ATP8B4: variants seen among roughly 807,000 people sequenced by gnomAD.
The protein encoded by ATP8B4 is ATPase phospholipid transporting 8B4 (putative), also known as probable phospholipid-transporting ATPase IM.
A neutral mutation model predicts 145.6 loss-of-function variants in ATP8B4; 133 were observed. The observed-to-expected ratio is 0.91, with a 90% CI of 0.79 to 1.05. ATP8B4 has a LOEUF of 1.05. Among genes scored for constraint, ATP8B4 ranks in the 50% least tolerant of loss-of-function variants. The pLI is 0.00. For synonymous variants in ATP8B4, 507 were observed against 492.9 expected (o/e 1.03, Z -0.38); for missense variants, 1,458 against 1,425.2 (o/e 1.02, Z -0.37).
At chr15:50,059,358 G>A (rs964180083) in intron 3 of ATP8B4, among the ~76,000 whole-genome samples, 1 of 152,098 alleles carries the variant, frequency 6.6e-6, no homozygotes, top group Admixed American at 6.5e-5. Flanking sequence ...CCACTTCTAC[G>A]GGAACAATTC....
intron 26 of ATP8B4, among the ~76,000 whole-genome samples, chr15:49,863,840 A>G (rs1442652263): frequency 6.6e-6 from 1 of 152,138 alleles, no homozygotes. Flanking sequence ...TGAAACCCCA[A>G]TGTTGATCTA....
intron 9 of ATP8B4, among the ~76,000 whole-genome samples, chr15:49,992,471 A>C (rs1405269113): frequency 6.6e-6 from 1 of 152,174 alleles, no homozygotes; most frequent in Non-Finnish European, 1.5e-5. Context: ...TGAAAGAAAT[A>C]AGTCCACCAG....
At chr15:50,047,511 A>G (rs967325452) in intron 3 of ATP8B4, 47 bp from the exon 4 acceptor site, 4 of 1,119,360 alleles carry the variant, frequency 3.6e-6, no homozygotes, top group Non-Finnish European at 2.7e-6. Flanking sequence ...GGCATTGCTC[A>G]TGATCAGAAA....
intron 14 of ATP8B4, among the ~76,000 whole-genome samples, chr15:49,943,225 T>C (rs1220681362): frequency 1.3e-5 from 2 of 152,060 alleles, no homozygotes; most frequent in East Asian, 1.9e-4. Context: ...TATGGACTCA[T>C]AGGCCACCAT....
intron 7 of ATP8B4, among the ~76,000 whole-genome samples, chr15:50,008,554 T>G (rs2153568391): frequency 6.6e-6 from 1 of 152,352 alleles, no homozygotes; most frequent in Middle Eastern, 3.4e-3. Flanking sequence ...CCTTCTGTAT[T>G]TCACTTCATT....
intron 2 of ATP8B4, among the ~76,000 whole-genome samples, chr15:50,079,127 C>T (rs1349901872): frequency 6.6e-6 from 1 of 152,080 alleles, no homozygotes; most frequent in Non-Finnish European, 1.5e-5. Flanking sequence ...GGGATGGATA[C>T]CCCATTTTAC....
intron 6 of ATP8B4, among the ~76,000 whole-genome samples, chr15:50,031,729 C>T (rs1031312069): frequency 5.9e-5 from 9 of 152,088 alleles, no homozygotes; most frequent in Admixed American, 5.9e-4. Flanking sequence ...TAAGTTGTTT[C>T]CAAGAATATA....
intron 12 of ATP8B4, among the ~76,000 whole-genome samples, chr15:49,974,118 T>C (rs927210227): frequency 6.0e-5 from 9 of 150,996 alleles, no homozygotes; most frequent in Non-Finnish European, 1.3e-4. Flanking sequence ...GTTCCGCTCT[T>C]GTTGCCTAAG....
chr15:49,927,732 G>C (rs2040854939), intron 16 of ATP8B4, among the ~76,000 whole-genome samples: 1 of 151,890 alleles, frequency 6.6e-6, no homozygotes, highest in Non-Finnish European at 1.5e-5. Context: ...ACCAACTCTG[G>C]GCCAAACCAA....
chr15:49,899,909 C>T (rs2037831222), intron 21 of ATP8B4, among the ~76,000 whole-genome samples: 1 of 152,114 alleles, frequency 6.6e-6, no homozygotes, highest in East Asian at 1.9e-4. Flanking sequence ...CTCCTTCTTT[C>T]AATGCACTTA....
rs749745311 is a variant in ATP8B4, at chr15:49,931,277, T to TG, written c.1483_1484insC (p.Asp495AlafsTer2). ...AGCGGCAGTCACTAGAGCCCCTTCATCAGGTGACTGAACTTGGTAAATCAG... is the reference window on the plus strand; with the variant it reads ...AGCGGCAGTCACTAGAGCCCCTTCATGCAGGTGACTGAACTTGGTAAATCAG... On this transcript the variant is annotated frameshift_variant, in exon 16 of 28. Transcript: ENST00000284509. LOFTEE classifies it high-confidence loss of function. 1 of 1,612,524 alleles carries TG rather than the reference T, an allele frequency of 6.2e-7. No homozygotes were observed. The highest frequency in any genetic ancestry group is 1.7e-5 in the Admixed American group (1 of 59,810).
At chr15:49,912,246 T>G (rs536733859) in intron 20 of ATP8B4, among the ~76,000 whole-genome samples, 15 of 152,160 alleles carry the variant, frequency 9.9e-5, no homozygotes, top group African/African-American at 3.6e-4. Context: ...TTGGTTTTTT[T>G]GAAAAGATGA....
chr15:50,099,964 G>A (rs745801538), intron 2 of ATP8B4, among the ~76,000 whole-genome samples: 1 of 150,888 alleles, frequency 6.6e-6, no homozygotes, highest in Non-Finnish European at 1.5e-5. Flanking sequence ...GAATCTGGGA[G>A]GCGGAGGTTG....
chr15:49,939,559 T>C (rs911166004), intron 14 of ATP8B4, among the ~76,000 whole-genome samples: 2 of 152,006 alleles, frequency 1.3e-5, no homozygotes, highest in Non-Finnish European at 2.9e-5. Flanking sequence ...CAAGAAGAAA[T>C]TGAAACCTTG....
intron 14 of ATP8B4, among the ~76,000 whole-genome samples, chr15:49,955,114 T>C (rs1019872381): frequency 3.9e-5 from 6 of 152,146 alleles, no homozygotes; most frequent in African/African-American, 1.4e-4. Context: ...AAGTGGAAGC[T>C]AAACATTGGG....
intron 20 of ATP8B4, among the ~76,000 whole-genome samples, chr15:49,907,261 G>C (rs2038724263): frequency 6.6e-6 from 1 of 152,224 alleles, no homozygotes; most frequent in Non-Finnish European, 1.5e-5. Flanking sequence ...TCCTCAGACA[G>C]AAAGAGGTTC....
At chr15:50,145,790 C>T (rs1426593817) in intron 1 of ATP8B4, among the ~76,000 whole-genome samples, 1 of 151,664 alleles carries the variant, frequency 6.6e-6, no homozygotes, top group Non-Finnish European at 1.5e-5. Flanking sequence ...TGCTTTGTGC[C>T]CAGCAAGACA....
chr15:50,110,375 T>C (rs2056880308), intron 1 of ATP8B4, among the ~76,000 whole-genome samples: 1 of 152,232 alleles, frequency 6.6e-6, no homozygotes, highest in Admixed American at 6.5e-5. Flanking sequence ...AAGCAACATT[T>C]AGTCCTGTCA....
intron 12 of ATP8B4, among the ~76,000 whole-genome samples, chr15:49,978,587 T>C (rs776802039): frequency 6.6e-6 from 1 of 152,118 alleles, no homozygotes; most frequent in Non-Finnish European, 1.5e-5. Flanking sequence ...TGATTTTGTG[T>C]ACTGTTAAAG....
Sources: allele counts gnomAD v4.1 joint callset (sites outside exome capture counted in the v4.1 genomes callset), GRCh38; gene constraint gnomAD v4.1.1; transcripts MANE v1.5; gene names NCBI Gene and HGNC (gene_info 2026-07-23, HGNC 2026-07-21).